The following FAM13A variants were observed in gnomAD, a reference collection of about 807,000 sequenced individuals.
FAM13A encodes family with sequence similarity 13 member A, also known as protein FAM13A.
A neutral mutation model predicts 129.6 loss-of-function variants in FAM13A; 76 were observed. The observed-to-expected ratio is 0.59, with a 90% CI of 0.49 to 0.71. The LOEUF is 0.71. Among genes scored for constraint, FAM13A ranks in the 30% least tolerant of loss-of-function variants. The pLI, the probability that FAM13A is intolerant of heterozygous loss-of-function variation, is 0.00. For missense variants in FAM13A, 1,108 were observed against 1,249.3 expected (o/e 0.89, Z 1.70); for synonymous variants, 443 against 449.9 (o/e 0.98, Z 0.20).
At chr4:88,888,126 T>G (rs1744749382) in intron 6 of FAM13A, among the ~76,000 whole-genome samples, 1 of 152,222 alleles carries the variant, frequency 6.6e-6, no homozygotes, top group Admixed American at 6.5e-5. Context: ...CTCCTTATAC[T>G]CTTTGCTTAT....
chr4:89,009,425 C>T (rs1329725225), intron 3 of FAM13A, among the ~76,000 whole-genome samples: 1 of 152,160 alleles, frequency 6.6e-6, no homozygotes, highest in African/African-American at 2.4e-5. Flanking sequence ...AAGCTATAAT[C>T]AATCAAATTG....
chr4:88,855,280 C>T (rs1361606807), intron 6 of FAM13A: 2 of 151,942 alleles, frequency 1.3e-5, no homozygotes, highest in African/African-American at 4.8e-5. Flanking sequence ...ATTTCTCTGG[C>T]ACCTGTTGAA....
At chr4:89,043,231 T>G (rs1053427582) in intron 1 of FAM13A, among the ~76,000 whole-genome samples, 1 of 151,968 alleles carries the variant, frequency 6.6e-6, no homozygotes, top group Non-Finnish European at 1.5e-5. Flanking sequence ...GTACAGAAAA[T>G]ACCTACAGGC....
chr4:88,945,990 G>GTATGTATGTATGTGTGTATATATATA (rs1553901196), intron 4 of FAM13A, among the ~76,000 whole-genome samples: 39 of 61,878 alleles, frequency 6.3e-4, no homozygotes, highest in African/African-American at 3.1e-3. Context: ...GTGTGTGTGT[G>GTATGTATGTATGTGTGTATATATATA]TATATATATA....
intron 21 of FAM13A, chr4:88,736,495 C>G (rs1739013934): frequency 6.6e-6 from 1 of 152,178 alleles, no homozygotes; most frequent in African/African-American, 2.4e-5. Flanking sequence ...AGAAATATGA[C>G]AAGTGAAACT....
intron 6 of FAM13A, among the ~76,000 whole-genome samples, chr4:88,871,390 A>G (rs1327050099): frequency 6.6e-6 from 1 of 152,200 alleles, no homozygotes; most frequent in East Asian, 1.9e-4. Flanking sequence ...GGAAGCTAAA[A>G]ACCTTGAATA....
At chr4:88,850,956 G>T in intron 7 of FAM13A, 64 bp downstream of exon 7, 1 of 1,434,916 alleles carries the variant, frequency 7.0e-7, no homozygotes, top group Non-Finnish European at 9.8e-7. Context: ...ACCTACATAT[G>T]CGGGCCTAAA....
Position 89,051,094 on chromosome 4 carries a change from G to C in FAM13A, c.27+5844C>G, listed in dbSNP as rs192617332. ...CATATGGGTAATATGCAAGGAAGTA[G>C]CTTAACAGACTGTCTTAATCTGTTC... On this transcript the variant is annotated intron_variant, in intron 1 of 23. Coordinates refer to ENST00000264344, the MANE Select transcript of FAM13A (RefSeq NM_014883.4). 1.3e-3 allele frequency among the ~76,000 whole-genome samples: 199 copies of C among 152,314 alleles called. 1 individual carries two copies. The highest frequency in any genetic ancestry group is 4.6e-3 in the African/African-American group (192 of 41,562).
chr4:88,887,500 A>C (rs975411708), intron 6 of FAM13A, among the ~76,000 whole-genome samples: 1 of 150,630 alleles, frequency 6.6e-6, no homozygotes, highest in African/African-American at 2.4e-5. Context: ...TCTGGTAATT[A>C]TCATTTGGTT....
intron 6 of FAM13A, among the ~76,000 whole-genome samples, chr4:88,854,555 T>G (rs956422507): frequency 1.3e-5 from 2 of 152,248 alleles, no homozygotes; most frequent in African/African-American, 4.8e-5. Context: ...CTTCATTTAT[T>G]TGATCATTTA....
chr4:88,791,401 C>T (rs867881896), intron 8 of FAM13A, among the ~76,000 whole-genome samples: 1 of 152,096 alleles, frequency 6.6e-6, no homozygotes, highest in Non-Finnish European at 1.5e-5. Flanking sequence ...CTTTCCCCCT[C>T]ATGCCTGCAC....
chr4:88,975,633 A>G (rs1297210133), intron 4 of FAM13A, among the ~76,000 whole-genome samples: 2 of 152,232 alleles, frequency 1.3e-5, no homozygotes, highest in East Asian at 3.8e-4. Flanking sequence ...TTTTAGAAGC[A>G]TGGAAAATGA....
chr4:88,964,668 C>G (rs1247757243), intron 4 of FAM13A, among the ~76,000 whole-genome samples: 2 of 148,516 alleles, frequency 1.3e-5, no homozygotes, highest in African/African-American at 5.0e-5. Context: ...CACTCTGTCA[C>G]CCAGGCTGGA....
chr4:89,024,997 T>A (rs1237331920), intron 2 of FAM13A, among the ~76,000 whole-genome samples: 1 of 152,156 alleles, frequency 6.6e-6, no homozygotes, highest in South Asian at 2.1e-4. Context: ...ATTACCCGAA[T>A]ACACCCTGTT....
intron 3 of FAM13A, among the ~76,000 whole-genome samples, chr4:89,014,751 T>C (rs1452959639): frequency 6.6e-6 from 1 of 152,200 alleles, no homozygotes. Context: ...AATCCTGTCA[T>C]CTTCATAAGC....
At chr4:88,794,839 T>C (rs1725848696) in intron 8 of FAM13A, among the ~76,000 whole-genome samples, 4 of 151,832 alleles carry the variant, frequency 2.6e-5, no homozygotes, top group Admixed American at 2.6e-4. Context: ...ATTCTTAATT[T>C]GTCAATTTAA....
intron 4 of FAM13A, among the ~76,000 whole-genome samples, chr4:88,980,384 T>C (rs962594456): frequency 3.3e-5 from 5 of 152,200 alleles, no homozygotes; most frequent in African/African-American, 4.8e-5. Context: ...TAAAAACAAA[T>C]GTATAAACAT....
intron 11 of FAM13A, among the ~76,000 whole-genome samples, chr4:88,775,591 C>T (rs577197164): frequency 5.3e-5 from 8 of 152,090 alleles, no homozygotes; most frequent in Admixed American, 1.3e-4. Flanking sequence ...CCTATGGTCC[C>T]GGCTACTTGG....
At chr4:88,841,881 T>A (rs1735890228) in intron 7 of FAM13A, among the ~76,000 whole-genome samples, 1 of 152,168 alleles carries the variant, frequency 6.6e-6, no homozygotes, top group Admixed American at 6.5e-5. Context: ...AACATATGAT[T>A]CAGCAATTCC....
Sources: allele counts gnomAD v4.1 joint callset (sites outside exome capture counted in the v4.1 genomes callset), GRCh38; gene constraint gnomAD v4.1.1; transcripts MANE v1.5; gene names NCBI Gene and HGNC (gene_info 2026-07-23, HGNC 2026-07-21).